Variants in BPTF observed in about 807,000 individuals in gnomAD.
BPTF encodes the protein bromodomain PHD finger transcription factor.
BPTF carries 18 observed loss-of-function variants against 292.5 expected under a neutral mutation model. The ratio of observed to expected loss-of-function variants is 0.06; its 90% CI spans 0.04 to 0.09. The LOEUF (loss-of-function observed/expected upper bound fraction) is 0.09. Among genes scored for constraint, BPTF ranks in the 10% least tolerant of loss-of-function variants. BPTF has a pLI of 1.00. For synonymous variants in BPTF, 1,225 were observed against 1,251.9 expected (o/e 0.98, Z 0.45); for missense variants, 2,726 against 3,498.7 (o/e 0.78, Z 5.57).
rs1169259160 is a variant in BPTF at position 67,944,578 on chromosome 17, C to T, written c.6700+206C>T. The T allele has an allele frequency of 5.1e-6, 3 of 591,464 alleles. 1 individual carries two copies. The highest frequency in any genetic ancestry group is 8.9e-6 in the Non-Finnish European group (3 of 336,592). 36.6% of individuals were successfully genotyped at this position (591,464 alleles called of 1,614,324 possible). A position where few individuals can be genotyped will look rare whatever the true frequency, so the allele number is the denominator to read the frequency against. On this transcript the variant is annotated intron_variant, in intron 20 of 27. Coordinates refer to ENST00000306378, the MANE Select transcript of BPTF (RefSeq NM_182641.4). ...TCCCTGTTACCACCACCCTCTCCCT[C>T]CTATTAAAAAAGAGAGAGAGAGAAA...
rs201802708 is a variant in BPTF at position 67,948,321 on chromosome 17, C to A, written c.7926+15C>A. 78 of 1,597,650 alleles carry A rather than the reference C, an allele frequency of 4.9e-5. 1 individual carries two copies. The Admixed American group carries it at 1.2e-3, about 25-fold the overall frequency. The stretch of plus-strand genomic sequence containing the variant: ...TTGAAGTGCAGGTAAGAGGGCACAT[C>A]CTTTTCTTCTGTGTCCAGTGTTTAA... On this transcript the variant is annotated intron_variant, in intron 23 of 27. Coordinates refer to ENST00000306378, the MANE Select transcript of BPTF (RefSeq NM_182641.4).
intron 25 of BPTF, chr17:67,966,072 T>C (rs1288948396): frequency 1.3e-5 from 2 of 154,906 alleles, no homozygotes; most frequent in African/African-American, 4.8e-5. Context: ...TGGGGGGAAA[T>C]AAAAGGATAT....
intron 4 of BPTF, among the ~76,000 whole-genome samples, chr17:67,880,496 A>G (rs960071502): frequency 1.3e-5 from 2 of 152,210 alleles, no homozygotes; most frequent in African/African-American, 2.4e-5. Context: ...CCAGAACACA[A>G]CCACAAACTG....
At chr17:67,842,567 A>C (rs1365162110) in intron 1 of BPTF, among the ~76,000 whole-genome samples, 1 of 152,220 alleles carries the variant, frequency 6.6e-6, no homozygotes. Flanking sequence ...AAAAGAAAGG[A>C]GTTATAAAAG....
chr17:67,926,567 G>A (rs919009289), intron 15 of BPTF, among the ~76,000 whole-genome samples: 6 of 151,820 alleles, frequency 4.0e-5, no homozygotes, highest in Admixed American at 3.3e-4. Flanking sequence ...CTCGTGATCC[G>A]CCTGCCTTGG....
At chr17:67,930,270 C>T (rs1256418143) in intron 17 of BPTF, among the ~76,000 whole-genome samples, 1 of 152,116 alleles carries the variant, frequency 6.6e-6, no homozygotes, top group Admixed American at 6.5e-5. Flanking sequence ...ATGATCTCTG[C>T]TCACTGCAAA....
At chr17:67,875,136 C>T in intron 4 of BPTF, 116 bp downstream of exon 4, 1 of 862,834 alleles carries the variant, frequency 1.2e-6, no homozygotes, top group Non-Finnish European at 1.8e-6. Flanking sequence ...TTTAATATTT[C>T]TAAAGAGATC....
chr17:67,842,817 CAAAAAAAAAAAA>C (rs60085248), intron 1 of BPTF, among the ~76,000 whole-genome samples: 22 of 47,804 alleles, frequency 4.6e-4, no homozygotes, highest in Admixed American at 2.5e-3. Context: ...CAATTAAGGC[CAAAAAAAAAAAA>C]AAAAAAAAAA....
At position 67,872,829 on chromosome 17, in the gene BPTF, G is replaced by A. The variant is rs147376430; in HGVS notation, c.1661-1988G>A. On this transcript the variant is annotated intron_variant, in intron 3 of 27. Transcript: ENST00000306378. ...ATATAGGAATTAAGGGCTGGGCACT[G>A]CTAACGCCTGTAACCCCAGTGCTTT... Among the ~76,000 whole-genome samples the A allele has an allele frequency of 4.4e-3, 673 of 152,316 alleles. 5 individuals are homozygous for A. Among genetic ancestry groups the A allele is most frequent in the African/African-American group, 0.015 (630 of 41,570 alleles).
intron 7 of BPTF, among the ~76,000 whole-genome samples, chr17:67,901,314 A>C (rs1476110806): frequency 2.6e-5 from 4 of 151,752 alleles, no homozygotes; most frequent in Non-Finnish European, 4.4e-5. Context: ...TAAAAAAAAA[A>C]AAACCCAGAA....
intron 14 of BPTF, 127 bp from the exon 15 acceptor site, chr17:67,924,420 T>C (rs1266834608): frequency 9.8e-7 from 1 of 1,019,248 alleles, no homozygotes; most frequent in African/African-American, 1.6e-5. Context: ...CAACCAAATG[T>C]TTTATTTTTA....
chr17:67,938,905 A>C (rs1034234124), intron 18 of BPTF, among the ~76,000 whole-genome samples: 4 of 152,200 alleles, frequency 2.6e-5, no homozygotes, highest in African/African-American at 9.6e-5. Context: ...CAATGACTTA[A>C]AACAGTTTTT....
At chr17:67,863,815 A>G (rs1027666811) in intron 2 of BPTF, among the ~76,000 whole-genome samples, 5 of 152,166 alleles carry the variant, frequency 3.3e-5, no homozygotes, top group East Asian at 1.9e-4. Context: ...CTTCATTTCT[A>G]TGGGTTTGTT....
chr17:67,959,262 G>T (rs1182538653), intron 23 of BPTF, among the ~76,000 whole-genome samples: 3 of 152,204 alleles, frequency 2.0e-5, no homozygotes, highest in African/African-American at 7.2e-5. Flanking sequence ...AGCCAGGAGG[G>T]ACGCTCTTCC....
At chr17:67,930,586 T>A (rs574686588) in intron 17 of BPTF, among the ~76,000 whole-genome samples, 1 of 152,152 alleles carries the variant, frequency 6.6e-6, no homozygotes, top group South Asian at 2.1e-4. Flanking sequence ...AGTTTTAAAT[T>A]TTTGAAAATG....
chr17:67,887,352 C>A (rs2060815465), intron 4 of BPTF, among the ~76,000 whole-genome samples: 1 of 151,994 alleles, frequency 6.6e-6, no homozygotes, highest in Non-Finnish European at 1.5e-5. Flanking sequence ...TATTAATCTT[C>A]AATTTTACGT....
intron 4 of BPTF, among the ~76,000 whole-genome samples, chr17:67,884,575 C>T (rs2060632287): frequency 6.6e-6 from 1 of 152,032 alleles, no homozygotes; most frequent in Admixed American, 6.6e-5. Context: ...ACTACTATGC[C>T]TGGCTAATTT....
At chr17:67,891,766 A>T in intron 4 of BPTF, 78 bp from the exon 5 acceptor site, 1 of 1,112,086 alleles carries the variant, frequency 9.0e-7, no homozygotes, top group Non-Finnish European at 1.2e-6. Context: ...TACACCAGAT[A>T]CGAGTTTTGG....
intron 19 of BPTF, 49 bp from the exon 20 acceptor site, chr17:67,944,101 T>C: frequency 7.3e-7 from 1 of 1,365,332 alleles, no homozygotes; most frequent in Non-Finnish European, 1.0e-6. Context: ...ATGATATACA[T>C]ACAGATTGAT....
Sources: allele counts gnomAD v4.1 joint callset (sites outside exome capture counted in the v4.1 genomes callset), GRCh38; gene constraint gnomAD v4.1.1; transcripts MANE v1.5; gene names NCBI Gene and HGNC (gene_info 2026-07-23, HGNC 2026-07-21).